The following SPSB4 variants were observed in gnomAD, a reference collection of about 807,000 sequenced individuals.
The protein encoded by SPSB4 is SPRY domain-containing SOCS box protein 4.
In SPSB4, 21 loss-of-function variants were observed where a neutral mutation model predicts 20.9. That is an observed-to-expected ratio of 1.01 (90% CI 0.71 to 1.45). The LOEUF is 1.45. SPSB4 is among the 40% of genes most tolerant of loss of function. SPSB4 has a pLI of 0.00. For synonymous variants in SPSB4, 207 were observed against 183.8 expected (o/e 1.13, Z -1.02); for missense variants, 399 against 399.2 (o/e 1.00, Z 0.00).
Position 141,051,415 on chromosome 3 carries a change from G to C in SPSB4, c.-731G>C, listed in dbSNP as rs373087604. 1 of 156,486 alleles carries C rather than the reference G, an allele frequency of 6.4e-6. No homozygotes were observed. The highest frequency in any genetic ancestry group is 1.4e-5 in the Non-Finnish European group (1 of 71,270). 9.7% of individuals were successfully genotyped at this position (156,486 alleles called of 1,614,324 possible). A position where few individuals can be genotyped will look rare whatever the true frequency, so the allele number is the denominator to read the frequency against. On this transcript the variant is annotated 5_prime_UTR_variant, in exon 1 of 3. Coordinates refer to ENST00000310546, the MANE Select transcript of SPSB4 (RefSeq NM_080862.3). The stretch of plus-strand genomic sequence containing the variant: ...GGGAGCGGGCGGCGGCGGCGGAGGA[G>C]GGGGAGGCGGCGGCGGCTGCAGCAT...
rs116227411 is a variant in SPSB4, at chr3:141,101,028, C to T, written c.694+34230C>T. On this transcript the variant is annotated intron_variant, in intron 2 of 2. Coordinates refer to ENST00000310546, the MANE Select transcript of SPSB4 (RefSeq NM_080862.3). ...GAAGGGAATGGAAACTCCCAGACAGCAGAGGGCTGGGTCCCCCTGACACCT... is the reference window on the plus strand; with the variant it reads ...GAAGGGAATGGAAACTCCCAGACAGTAGAGGGCTGGGTCCCCCTGACACCT... 6.0e-3 allele frequency among the ~76,000 whole-genome samples: 907 copies of T among 152,318 alleles called. 13 individuals carry two copies. The highest frequency in any genetic ancestry group is 0.019 in the African/African-American group (810 of 41,564).
rs573933612 is a variant in SPSB4, at chr3:141,138,550, G to A, written c.695-8592G>A. On this transcript the variant is annotated intron_variant, in intron 2 of 2. Transcript: ENST00000310546. ...ATATGTTGTGTCTTTGTTCTCGTTG[G>A]TTTCAAAGAACATCTTTATTTCCGC... Among the ~76,000 whole-genome samples the A allele has an allele frequency of 8.9e-4, 136 of 152,248 alleles. 2 individuals are homozygous for A. Among genetic ancestry groups the A allele is most frequent in the African/African-American group, 3.2e-3 (133 of 41,538 alleles).
At chr3:141,121,459 G>C (rs1938965285) in intron 2 of SPSB4, among the ~76,000 whole-genome samples, 1 of 152,182 alleles carries the variant, frequency 6.6e-6, no homozygotes, top group South Asian at 2.1e-4. Context: ...ATGTTGGCCT[G>C]CCTTGCTAGG....
chr3:141,119,824 AGC>A (rs1383381801), intron 2 of SPSB4, among the ~76,000 whole-genome samples: 1 of 151,998 alleles, frequency 6.6e-6, no homozygotes, highest in Non-Finnish European at 1.5e-5. Context: ...TAGTTTTGCT[AGC>A]AGTCTATGTA....
At chr3:141,141,688 T>C (rs1939332041) in intron 2 of SPSB4, among the ~76,000 whole-genome samples, 1 of 152,232 alleles carries the variant, frequency 6.6e-6, no homozygotes, top group South Asian at 2.1e-4. Context: ...ACTTTTTTTT[T>C]GGTGGCAATT....
chr3:141,054,621 C>T (rs1031446781), intron 1 of SPSB4, among the ~76,000 whole-genome samples: 14 of 152,292 alleles, frequency 9.2e-5, no homozygotes, highest in African/African-American at 3.4e-4. Flanking sequence ...CTTTCCTAAG[C>T]AGTGTTGATT....
At chr3:141,094,363 G>T (rs1483154933) in intron 2 of SPSB4, among the ~76,000 whole-genome samples, 2 of 152,210 alleles carry the variant, frequency 1.3e-5, no homozygotes, top group Non-Finnish European at 2.9e-5. Flanking sequence ...TTCCAGATTT[G>T]CACTGGCTGC....
intron 2 of SPSB4, among the ~76,000 whole-genome samples, chr3:141,105,314 G>A (rs1023989826): frequency 3.9e-5 from 6 of 152,178 alleles, no homozygotes; most frequent in South Asian, 2.1e-4. Flanking sequence ...TCACCATTGC[G>A]CTGATTCCTG....
intron 1 of SPSB4, among the ~76,000 whole-genome samples, chr3:141,062,659 TA>T (rs1937787643): frequency 6.6e-6 from 1 of 152,202 alleles, no homozygotes; most frequent in Non-Finnish European, 1.5e-5. Context: ...TCAAGTTGTT[TA>T]AAGAATTTTT....
chr3:141,105,000 G>T (rs554193493), intron 2 of SPSB4, among the ~76,000 whole-genome samples: 1 of 152,208 alleles, frequency 6.6e-6, no homozygotes, highest in Non-Finnish European at 1.5e-5. Context: ...TTTTACAGAC[G>T]TAGAGAATGA....
intron 2 of SPSB4, among the ~76,000 whole-genome samples, chr3:141,122,248 C>T (rs1391048880): frequency 6.6e-6 from 1 of 152,152 alleles, no homozygotes; most frequent in Non-Finnish European, 1.5e-5. Context: ...CCAGCAGAGG[C>T]TGCAGAACAG....
chr3:141,148,566 GATGA>G lies in SPSB4; in HGVS notation c.*1303_*1306del, dbSNP rs1246583406. 2.6e-5 allele frequency: 4 copies of G among 152,652 alleles called. No individual in the cohort carries two copies. Among genetic ancestry groups the G allele is most frequent in the African/African-American group, 9.7e-5 (4 of 41,450 alleles). The allele number at this position is 152,652 out of a possible 1,614,324, so 9.5% of individuals were successfully genotyped here. ...CCCCCACCTTAATGTGAATTTGACT[GATGA>G]ATGAAGAGCGTTTCTAATAAAGTTT... On this transcript the variant is annotated 3_prime_UTR_variant, in exon 3 of 3. Coordinates refer to ENST00000310546, the MANE Select transcript of SPSB4 (RefSeq NM_080862.3). The surrounding 1 kb of genome is among the most constrained non-coding windows in gnomAD (Gnocchi z 4.5).
intron 2 of SPSB4, among the ~76,000 whole-genome samples, chr3:141,100,160 G>A (rs1938594029): frequency 6.6e-6 from 1 of 152,182 alleles, no homozygotes; most frequent in Admixed American, 6.5e-5. Flanking sequence ...TTCCCTGGCA[G>A]CTCTTATCTT....
chr3:141,144,777 G>T (rs930886882), intron 2 of SPSB4, among the ~76,000 whole-genome samples: 2 of 152,208 alleles, frequency 1.3e-5, no homozygotes, highest in East Asian at 3.8e-4. Context: ...CCCTAATTGG[G>T]CAGGCAACAC....
chr3:141,080,416 T>C (rs1938209250), intron 2 of SPSB4: 1 of 152,310 alleles, frequency 6.6e-6, no homozygotes, highest in South Asian at 2.1e-4. Context: ...TTGGTAAGTC[T>C]CAACTCTGTC....
At chr3:141,110,800 G>A (rs773643778) in intron 2 of SPSB4, among the ~76,000 whole-genome samples, 22 of 152,226 alleles carry the variant, frequency 1.4e-4, no homozygotes, top group Non-Finnish European at 2.5e-4. Context: ...CAAGTGAGTA[G>A]GGAAGGATAA....
intron 2 of SPSB4, among the ~76,000 whole-genome samples, chr3:141,101,976 C>A (rs140031720): frequency 1.6e-3 from 242 of 152,312 alleles, no homozygotes; most frequent in African/African-American, 5.7e-3. Flanking sequence ...AGGAATGCTC[C>A]TCTAGCCCCA....
chr3:141,082,871 G>C (rs540042954), intron 2 of SPSB4, among the ~76,000 whole-genome samples: 235 of 152,192 alleles, frequency 1.5e-3, no homozygotes, highest in Non-Finnish European at 2.3e-3. Context: ...CTCTGACCAT[G>C]ATGAGCTGCA....
Position 141,104,712 on chromosome 3 carries a change from C to T in SPSB4, c.694+37914C>T, listed in dbSNP as rs532287122. On this transcript the variant is annotated intron_variant, in intron 2 of 2. Transcript: ENST00000310546. ...GTCCTGGGAGCCAGCACAGGCTGCG[C>T]GGCCGGCCCATCACAAGTGAGCCTT... Among the ~76,000 whole-genome samples the T allele has an allele frequency of 1.7e-4, 26 of 152,336 alleles. 1 individual carries two copies. The South Asian group carries it at 3.9e-3, about 23-fold the overall frequency.
Sources: allele counts gnomAD v4.1 joint callset (sites outside exome capture counted in the v4.1 genomes callset), GRCh38; gene constraint gnomAD v4.1.1; non-coding constraint Gnocchi (gnomAD v3.1); transcripts MANE v1.5; gene names NCBI Gene and HGNC (gene_info 2026-07-23, HGNC 2026-07-21).